Variants in TNFRSF10D observed in about 807,000 individuals in gnomAD.
The protein encoded by TNFRSF10D is tumor necrosis factor receptor superfamily member 10D.
Under a neutral mutation model 42.1 loss-of-function variants are expected in TNFRSF10D, and 28 were observed. The observed-to-expected ratio is 0.66, with a 90% CI of 0.49 to 0.91. The LOEUF (loss-of-function observed/expected upper bound fraction) is 0.91, where lower values mean the gene tolerates loss of function less well. Ranked by LOEUF, TNFRSF10D falls within the 40% of genes least tolerant of loss-of-function variation. The pLI is 0.00. For missense variants in TNFRSF10D, 503 were observed against 486.1 expected (o/e 1.03, Z -0.33); for synonymous variants, 186 against 189.4 (o/e 0.98, Z 0.15).
chr8:23,163,743 C>T (rs61760054), intron 1 of TNFRSF10D, 43 bp downstream of exon 1: 169,084 of 1,594,164 alleles, frequency 0.11, 9,903 homozygotes, highest in Middle Eastern at 0.14. Context: ...CTCCCGGCGC[C>T]AGGTGCGCTC....
intron 1 of TNFRSF10D, among the ~76,000 whole-genome samples, chr8:23,161,552 G>C (rs1349578205): frequency 6.6e-6 from 1 of 152,200 alleles, no homozygotes; most frequent in East Asian, 1.9e-4. Context: ...GGTTCTCCAA[G>C]TTCACAGCTG....
Position 23,137,658 on chromosome 8 carries a change from A to C in TNFRSF10D, c.*212T>G, listed in dbSNP as rs1814357761. 3 of 559,260 alleles carry C rather than the reference A, an allele frequency of 5.4e-6. No individual in the cohort carries two copies. The African/African-American group carries it at 5.6e-5, about 10-fold the overall frequency. 34.6% of individuals were successfully genotyped at this position (559,260 alleles called of 1,614,324 possible). On this transcript the variant is annotated 3_prime_UTR_variant, in exon 9 of 9. Transcript: ENST00000312584. Reference sequence around the variant, plus strand: ...AACTATGCAGCCAAGAATCTGATATAAATTTCTCCCGTTTGCTTATCACAC... The same window carrying C: ...AACTATGCAGCCAAGAATCTGATATCAATTTCTCCCGTTTGCTTATCACAC...
At chr8:23,144,684 C>T in intron 6 of TNFRSF10D, 49 bp from the exon 7 acceptor site, 2 of 1,583,976 alleles carry the variant, frequency 1.3e-6, no homozygotes, top group Non-Finnish European at 1.7e-6. Context: ...GGCTCAGCTT[C>T]AGGGTCCCCA....
chr8:23,154,611 C>T (rs954853100), intron 2 of TNFRSF10D, among the ~76,000 whole-genome samples: 1 of 150,306 alleles, frequency 6.7e-6, no homozygotes, highest in African/African-American at 2.5e-5. Flanking sequence ...GGATGCAACA[C>T]CCACAGATGA....
Position 23,144,491 on chromosome 8 carries a change from C to G in TNFRSF10D, c.913G>C (p.Gly305Arg), listed in dbSNP as rs1313275345. ...IQGQELAELT[G>R]VTVELPEEPQ... Reference sequence around the variant, plus strand: ...TCCTCTGGCAACTCTACAGTCACACCTGTTAGCTCTGCCAGCTCCTGACCT... The same window carrying G: ...TCCTCTGGCAACTCTACAGTCACACGTGTTAGCTCTGCCAGCTCCTGACCT... The change falls in exon 7 of 9, where the codon GGT (glycine) becomes CGT (arginine). Residue 305 changes from glycine to arginine, a missense_variant. Physicochemically the swap from Gly to Arg is moderately radical, Grantham distance 125 (BLOSUM62 -2). Coordinates refer to ENST00000312584, the MANE Select transcript of TNFRSF10D (RefSeq NM_003840.5). 1.2e-6 allele frequency: 2 copies of G among 1,614,220 alleles called. No individual in the cohort carries two copies.
At position 23,148,423 on chromosome 8, in the gene TNFRSF10D, C is replaced by T; in HGVS notation, c.370+15G>A. 6.3e-7 allele frequency: 1 copy of T among 1,595,872 alleles called. No individual in the cohort carries two copies. The highest frequency in any genetic ancestry group is 1.3e-5 in the African/African-American group (1 of 74,540). On this transcript the variant is annotated intron_variant, in intron 3 of 8. Coordinates refer to ENST00000312584, the MANE Select transcript of TNFRSF10D (RefSeq NM_003840.5). Reference sequence around the variant, plus strand: ...TGCACTCCACCTCTGGGCAAGGGGTCCACACATTCTGTACCTGATTTACAA... The same window carrying T: ...TGCACTCCACCTCTGGGCAAGGGGTTCACACATTCTGTACCTGATTTACAA...
At chr8:23,141,146 T>A (rs1469180138) in intron 7 of TNFRSF10D, among the ~76,000 whole-genome samples, 1 of 152,124 alleles carries the variant, frequency 6.6e-6, no homozygotes, top group Non-Finnish European at 1.5e-5. Flanking sequence ...TCAAAAGCAA[T>A]GCAATAAAAA....
rs879162806 is a variant in TNFRSF10D at position 23,136,051 on chromosome 8, A to T, written c.*1819T>A. The T allele has an allele frequency of 4.2e-3, 1,672 of 395,314 alleles. No individual in the cohort carries two copies. The highest frequency in any genetic ancestry group is 0.02 in the African/African-American group (956 of 48,588). 24.5% of individuals were successfully genotyped at this position (395,314 alleles called of 1,614,324 possible). The stretch of plus-strand genomic sequence containing the variant: ...TGGACACAACAATCTGAATGTGCGA[A>T]CTTCAGGCAGTTCTAACTTTGTCCC... On this transcript the variant is annotated 3_prime_UTR_variant, in exon 9 of 9. Coordinates refer to ENST00000312584, the MANE Select transcript of TNFRSF10D (RefSeq NM_003840.5).
At chr8:23,156,236 G>T (rs986586415) in intron 1 of TNFRSF10D, among the ~76,000 whole-genome samples, 572 of 151,602 alleles carry the variant, frequency 3.8e-3, no homozygotes, top group African/African-American at 0.012. Context: ...TTGGGAGTGT[G>T]TAAAAGTACA....
chr8:23,154,387 C>G (rs1172603131), intron 2 of TNFRSF10D, among the ~76,000 whole-genome samples: 867 of 152,138 alleles, frequency 5.7e-3, no homozygotes, highest in African/African-American at 0.018. Context: ...AAACTCTGCA[C>G]TTACACAAGT....
chr8:23,153,365 C>T (rs1274359016), intron 2 of TNFRSF10D, among the ~76,000 whole-genome samples: 1 of 152,120 alleles, frequency 6.6e-6, no homozygotes, highest in African/African-American at 2.4e-5. Context: ...CAAAAATAGA[C>T]AGATGAGATT....
At chr8:23,145,608 C>A (rs190369300) in intron 5 of TNFRSF10D, 60 bp downstream of exon 5, 1 of 1,608,052 alleles carries the variant, frequency 6.2e-7, no homozygotes, top group South Asian at 1.1e-5. Context: ...TCTGTGGGAA[C>A]GGAGTGGGAG....
chr8:23,145,973 G>T, intron 4 of TNFRSF10D, 52 bp from the exon 5 acceptor site: 3 of 1,611,262 alleles, frequency 1.9e-6, no homozygotes, highest in Non-Finnish European at 2.5e-6. Flanking sequence ...AGCTGGCCAG[G>T]TGGGATGAAA....
At chr8:23,155,728 A>AAAACAAG (rs1453929751) in intron 1 of TNFRSF10D, among the ~76,000 whole-genome samples, 3 of 152,076 alleles carry the variant, frequency 2.0e-5, no homozygotes, top group Middle Eastern at 3.4e-3. Context: ...CAAAAAACAA[A>AAAACAAG]AAAACCACAC....
intron 4 of TNFRSF10D, 71 bp downstream of exon 4, chr8:23,146,890 T>G: frequency 7.7e-7 from 1 of 1,290,932 alleles, no homozygotes; most frequent in African/African-American, 1.5e-5. Flanking sequence ...AGCGGAGAGA[T>G]AGAGGTACCA....
At chr8:23,151,751 T>C (rs949512039) in intron 2 of TNFRSF10D, among the ~76,000 whole-genome samples, 10 of 151,836 alleles carry the variant, frequency 6.6e-5, no homozygotes, top group Non-Finnish European at 1.3e-4. Context: ...ACTTACAAAT[T>C]CAGTAGTGTT....
intron 2 of TNFRSF10D, 74 bp downstream of exon 2, chr8:23,154,800 G>A: frequency 4.8e-6 from 7 of 1,445,804 alleles, no homozygotes; most frequent in Non-Finnish European, 6.7e-6. Context: ...CAAACATCAT[G>A]GTGTACACCA....
At chr8:23,144,976 T>G in intron 6 of TNFRSF10D, 82 bp downstream of exon 6, 1 of 1,591,510 alleles carries the variant, frequency 6.3e-7, no homozygotes, top group Middle Eastern at 1.7e-4. Flanking sequence ...GGACAAGGGA[T>G]TGTGCCCACC....
intron 2 of TNFRSF10D, among the ~76,000 whole-genome samples, chr8:23,150,551 C>A (rs567639610): frequency 1.3e-5 from 2 of 152,278 alleles, no homozygotes; most frequent in Admixed American, 1.3e-4. Flanking sequence ...AAGTAACCAA[C>A]CCGAAAGGAA....
Sources: gnomAD v4.1 joint callset for allele counts (sites outside exome capture counted in the v4.1 genomes callset) on GRCh38, gnomAD v4.1.1 for gene constraint, MANE v1.5 for transcripts, NCBI Gene and HGNC (gene_info 2026-07-23, HGNC 2026-07-21) for gene names.